Variants in METTL9 observed in about 807,000 individuals in gnomAD.
The protein encoded by METTL9 is methyltransferase 9, His-X-His N1(pi)-histidine, also known as protein-L-histidine N-pros-methyltransferase.
Under a neutral mutation model 36.0 loss-of-function variants are expected in METTL9, and 10 were observed. That is an observed-to-expected ratio of 0.28 (90% CI 0.17 to 0.47). The LOEUF is 0.47. METTL9 is among the 20% of genes least tolerant of loss of function. METTL9 has a pLI of 0.99. For missense variants in METTL9, 246 were observed against 383.5 expected (o/e 0.64, Z 3.00); for synonymous variants, 175 against 149.7 (o/e 1.17, Z -1.23).
intron 4 of METTL9, among the ~76,000 whole-genome samples, chr16:21,636,600 C>T (rs1363475572): frequency 6.6e-6 from 1 of 151,852 alleles, no homozygotes; most frequent in Non-Finnish European, 1.5e-5. Context: ...GGTCAACCAA[C>T]TTCTTGTTGG....
chr16:21,649,050 G>A (rs1197634486), intron 4 of METTL9, among the ~76,000 whole-genome samples: 2 of 152,058 alleles, frequency 1.3e-5, no homozygotes, highest in Admixed American at 1.3e-4. Context: ...GAGTGCAATG[G>A]TGCAATCACG....
intron 4 of METTL9, chr16:21,643,606 G>C: frequency 6.3e-7 from 1 of 1,594,650 alleles, no homozygotes; most frequent in Non-Finnish European, 8.6e-7. Context: ...TGACTGCCAA[G>C]AAGAGAAGGA....
chr16:21,641,452 G>T (rs1966266456), intron 4 of METTL9: 3 of 673,216 alleles, frequency 4.5e-6, no homozygotes, highest in South Asian at 4.5e-5. Context: ...TTTTTTTTAA[G>T]ACCTGATGAT....
chr16:21,642,768 A>G (rs941670318), intron 4 of METTL9, among the ~76,000 whole-genome samples: 2 of 152,228 alleles, frequency 1.3e-5, no homozygotes, highest in Non-Finnish European at 2.9e-5. Flanking sequence ...GATACTGTAC[A>G]GAGTAGCTTT....
Position 21,655,659 on chromosome 16 carries a change from C to T in METTL9, c.*227C>T. 2 of 496,320 alleles carry T rather than the reference C, an allele frequency of 4.0e-6. No homozygotes were observed. The highest frequency in any genetic ancestry group is 3.8e-5 in the Admixed American group (1 of 26,392). The allele number at this position is 496,320 out of a possible 1,614,324, so 30.7% of individuals were successfully genotyped here. On this transcript the variant is annotated 3_prime_UTR_variant, in exon 5 of 5. Transcript: ENST00000358154. ...TGTGGATTTTTATCAACTCTTTACT[C>T]AGAGCCACTCTCCAATGCAGGTCAC...
rs568814657 is a variant in METTL9, at chr16:21,618,128, G to T, written c.566+54G>T. 1.3e-5 allele frequency: 16 copies of T among 1,253,994 alleles called. No homozygotes were observed. In the South Asian group the frequency reaches 2.5e-4, roughly 20 times the overall value. 77.7% of individuals were successfully genotyped at this position (1,253,994 alleles called of 1,614,324 possible). ...TCTTCTTGAAAGTATATTATTTAAA[G>T]GATATGAATAAAAAATGATCTTCCA... On this transcript the variant is annotated intron_variant, in intron 3 of 4. Coordinates refer to ENST00000358154, the MANE Select transcript of METTL9 (RefSeq NM_016025.5).
intron 1 of METTL9, among the ~76,000 whole-genome samples, chr16:21,600,216 G>C (rs1193231225): frequency 3.3e-5 from 5 of 152,196 alleles, no homozygotes; most frequent in Non-Finnish European, 5.9e-5. Flanking sequence ...CCGGCAGCGG[G>C]ACTGGGGAAC....
At chr16:21,618,121 A>G in intron 3 of METTL9, 47 bp downstream of exon 3, 3 of 1,306,722 alleles carry the variant, frequency 2.3e-6, no homozygotes, top group Non-Finnish European at 3.1e-6. Flanking sequence ...AAAGTATATT[A>G]TTTAAAGGAT....
intron 4 of METTL9, chr16:21,643,214 G>A (rs1966324474): frequency 1.5e-5 from 19 of 1,285,378 alleles, no homozygotes; most frequent in African/African-American, 2.9e-5. Context: ...TGATAACGAC[G>A]CATCATCAGA....
chr16:21,608,377 C>T (rs768431876), intron 1 of METTL9, among the ~76,000 whole-genome samples: 5 of 152,090 alleles, frequency 3.3e-5, no homozygotes, highest in Non-Finnish European at 7.4e-5. Context: ...CTCTGAAGCT[C>T]CTCGCCAAGA....
chr16:21,627,137 C>T (rs1597760299), intron 4 of METTL9: 1 of 985,320 alleles, frequency 1.0e-6, no homozygotes, highest in Non-Finnish European at 1.2e-6. Flanking sequence ...CCACGGCACT[C>T]TATTATTGCT....
chr16:21,601,199 A>G (rs1459482183), intron 1 of METTL9, among the ~76,000 whole-genome samples: 2 of 152,206 alleles, frequency 1.3e-5, no homozygotes, highest in African/African-American at 2.4e-5. Context: ...GAATGTATGT[A>G]AACTTAAATT....
chr16:21,615,039 G>T (rs1965518592), intron 2 of METTL9, among the ~76,000 whole-genome samples: 1 of 152,108 alleles, frequency 6.6e-6, no homozygotes, highest in Non-Finnish European at 1.5e-5. Context: ...GTACCCCCAG[G>T]TCCTTGTGAT....
chr16:21,624,928 T>C lies in METTL9; in HGVS notation c.567-3T>C. On this transcript the variant is annotated splice_region_variant and splice_polypyrimidine_tract_variant and intron_variant, in intron 3 of 4. Coordinates refer to ENST00000358154, the MANE Select transcript of METTL9 (RefSeq NM_016025.5). ...TTAATACAGTTATTTCTGATTTTTC[T>C]AGAGTCCTTGGTATAAATGAATGGC... 1.2e-6 allele frequency: 2 copies of C among 1,613,100 alleles called. No individual in the cohort carries two copies. Among genetic ancestry groups the C allele is most frequent in the Non-Finnish European group, 1.7e-6 (2 of 1,179,264 alleles).
intron 3 of METTL9, among the ~76,000 whole-genome samples, chr16:21,622,020 T>G (rs1395775456): frequency 6.6e-6 from 1 of 151,406 alleles, no homozygotes; most frequent in Non-Finnish European, 1.5e-5. Flanking sequence ...GTTTTTGTAT[T>G]TTAGTAGAGA....
At chr16:21,613,168 C>CTTTTTTTTTTTTTTTTTTTTT (rs57388340) in intron 2 of METTL9, among the ~76,000 whole-genome samples, 3 of 91,424 alleles carry the variant, frequency 3.3e-5, no homozygotes, top group Admixed American at 1.2e-4. Flanking sequence ...TGAGAGTCTG[C>CTTTTTTTTTTTTTTTTTTTTT]TTTTTTTTTT....
chr16:21,621,193 G>A (rs941583531), intron 3 of METTL9, among the ~76,000 whole-genome samples: 5 of 151,904 alleles, frequency 3.3e-5, no homozygotes, highest in Admixed American at 2.0e-4. Flanking sequence ...TGTTGTGTGT[G>A]TAGAGACAGG....
At chr16:21,639,118 T>G (rs913203506) in intron 4 of METTL9, among the ~76,000 whole-genome samples, 1 of 152,222 alleles carries the variant, frequency 6.6e-6, no homozygotes, top group African/African-American at 2.4e-5. Flanking sequence ...TTTTGAAGTT[T>G]GAAAATATAT....
chr16:21,650,741 C>T lies in METTL9; in HGVS notation c.752-4486C>T, dbSNP rs540524246. On this transcript the variant is annotated intron_variant, in intron 4 of 4. Transcript: ENST00000358154. ...ATGAAACTGTGGTTCCCTCCCCCAA[C>T]CAGTTAGGCAACCTATTAACAAAAA... 3.9e-5 allele frequency among the ~76,000 whole-genome samples: 6 copies of T among 152,222 alleles called. No homozygotes were observed. In the South Asian group the frequency reaches 1.0e-3, roughly 26 times the overall value.
Sources: allele counts gnomAD v4.1 joint callset (sites outside exome capture counted in the v4.1 genomes callset), GRCh38; gene constraint gnomAD v4.1.1; transcripts MANE v1.5; gene names NCBI Gene and HGNC (gene_info 2026-07-23, HGNC 2026-07-21).